GREB1: variants seen among roughly 807,000 people sequenced by gnomAD.
GREB1 encodes growth regulating estrogen receptor binding 1.
GREB1 carries 106 observed loss-of-function variants against 200.7 expected under a neutral mutation model. The observed-to-expected ratio is 0.53, with a 90% confidence interval of 0.45 to 0.62. The LOEUF (loss-of-function observed/expected upper bound fraction) is 0.62. GREB1 is among the 20% of genes least tolerant of loss of function. The pLI is 0.00. For synonymous variants in GREB1, 1,132 were observed against 1,092.4 expected (o/e 1.04, Z -0.72); for missense variants, 2,243 against 2,556.8 (o/e 0.88, Z 2.65).
intron 3 of GREB1, among the ~76,000 whole-genome samples, chr2:11,564,646 A>G (rs974137687): frequency 1.3e-5 from 2 of 152,232 alleles, no homozygotes; most frequent in African/African-American, 4.8e-5. Context: ...CATGGACCAC[A>G]CTGGGCTGGG....
chr2:11,483,545 GTA>G (rs1346219654), intron 1 of GREB1, among the ~76,000 whole-genome samples: 1 of 151,970 alleles, frequency 6.6e-6, no homozygotes, highest in Non-Finnish European at 1.5e-5. Flanking sequence ...AAATTTTGGG[GTA>G]TCTTTCCTGA....
intron 17 of GREB1, among the ~76,000 whole-genome samples, chr2:11,603,242 T>C (rs1220757138): frequency 6.6e-6 from 1 of 152,226 alleles, no homozygotes; most frequent in Non-Finnish European, 1.5e-5. Context: ...GGCCAAGTTT[T>C]ATAGACGATC....
At chr2:11,500,100 G>C (rs1171286248) in intron 1 of GREB1, among the ~76,000 whole-genome samples, 1 of 152,100 alleles carries the variant, frequency 6.6e-6, no homozygotes, top group Non-Finnish European at 1.5e-5. Context: ...TCCTGCTTCA[G>C]CCTCCTGAGT....
chr2:11,587,135 C>T (rs1680191671), intron 9 of GREB1, among the ~76,000 whole-genome samples: 1 of 152,166 alleles, frequency 6.6e-6, no homozygotes, highest in Admixed American at 6.5e-5. Context: ...GCTCTGCTCC[C>T]TCCGCTGCCT....
intron 29 of GREB1, 97 bp from the exon 30 acceptor site, chr2:11,635,173 C>A (rs1685208924): frequency 1.4e-6 from 2 of 1,433,312 alleles, no homozygotes; most frequent in Non-Finnish European, 1.9e-6. Flanking sequence ...CCTTCATAGC[C>A]CCCTACGATG....
chr2:11,548,807 C>G lies in GREB1; in HGVS notation c.-161-7647C>G, dbSNP rs76074684. On this transcript the variant is annotated intron_variant, in intron 1 of 32. Coordinates refer to ENST00000381486, the MANE Select transcript of GREB1 (RefSeq NM_014668.4). The surrounding 1 kb of genome is among the most constrained non-coding windows in gnomAD (Gnocchi z 5.1). ...CCCAGTAGTTTCTTGAGAAAGTGAA[C>G]TTGGGAGATAAATTGCTTTGAGATT... 2.6e-3 allele frequency among the ~76,000 whole-genome samples: 401 copies of G among 152,196 alleles called. No individual in the cohort carries two copies. Among genetic ancestry groups the G allele is most frequent in the Non-Finnish European group, 4.9e-3 (334 of 68,008 alleles).
rs548012861 is a variant in GREB1 at position 11,618,763 on chromosome 2, C to A, written c.3888C>A (p.Arg1296=). 2 of 1,613,072 alleles carry A rather than the reference C, an allele frequency of 1.2e-6. No individual in the cohort carries two copies. The highest frequency in any genetic ancestry group is 1.1e-5 in the South Asian group (1 of 91,030). The part of the protein sequence containing the change: ...SPSVMWASSF[R]PLLSKTMTST... ...CGGTCATGTGGGCCAGCTCTTTCCG[C>A]CCCCTGCTCAGCAAGACCATGACAT... The change falls in exon 22 of 33, where the codon CGC becomes CGA. Residue 1296 remains arginine (R), a synonymous_variant. Transcript: ENST00000381486.
In GREB1 at chr2:11,580,587, A is replaced by C. The variant is rs1679367027; in HGVS notation, c.773-117A>C. The C allele has an allele frequency of 1.7e-6, 2 of 1,208,502 alleles. No homozygotes were observed. Among genetic ancestry groups the C allele is most frequent in the Non-Finnish European group, 2.3e-6 (2 of 858,802 alleles). 74.9% of individuals were successfully genotyped at this position (1,208,502 alleles called of 1,614,324 possible). A position where few individuals can be genotyped will look rare whatever the true frequency, so the allele number is the denominator to read the frequency against. On this transcript the variant is annotated intron_variant, in intron 6 of 32. Transcript: ENST00000381486. This position sits in a 1 kb window ranked among gnomAD's most constrained non-coding sequence, Gnocchi z 4.5. The stretch of plus-strand genomic sequence containing the variant: ...TGTTGGGCATTCTGACCTCCTGATG[A>C]GACTTGCTGGGGAAAAGCTAGTTTG...
intron 22 of GREB1, among the ~76,000 whole-genome samples, chr2:11,619,347 A>G (rs1393497128): frequency 6.6e-6 from 1 of 152,186 alleles, no homozygotes; most frequent in Non-Finnish European, 1.5e-5. Flanking sequence ...CTTAACAACA[A>G]AAGTCCATTT....
chr2:11,627,748 C>T (rs1373620336), intron 25 of GREB1, among the ~76,000 whole-genome samples: 2 of 152,182 alleles, frequency 1.3e-5, no homozygotes, highest in Non-Finnish European at 2.9e-5. Flanking sequence ...TCACCTGAAG[C>T]CACGCCTGCA....
intron 18 of GREB1, 191 bp from the exon 19 acceptor site, chr2:11,612,304 G>A (rs1683007977): frequency 1.5e-6 from 2 of 1,313,468 alleles, no homozygotes; most frequent in Admixed American, 6.5e-5. Flanking sequence ...TAATCTCCAT[G>A]TTCTAGCCGA....
chr2:11,617,761 C>T (rs369191141), intron 21 of GREB1, among the ~76,000 whole-genome samples: 35 of 152,200 alleles, frequency 2.3e-4, no homozygotes, highest in South Asian at 1.7e-3. Context: ...GCTGAGGGAG[C>T]GGCTGAGAGT....
At chr2:11,530,647 ATAAAAT>A (rs1412413118), upstream of GREB1, among the ~76,000 whole-genome samples, 2 of 55,696 alleles carry the variant, frequency 3.6e-5, no homozygotes, top group Non-Finnish European at 6.3e-5. Context: ...AAAAATAAAC[ATAAAAT>A]TCAGGATGTG....
At chr2:11,526,797 A>T (rs1673892059) in intron 1 of GREB1, among the ~76,000 whole-genome samples, 1 of 152,084 alleles carries the variant, frequency 6.6e-6, no homozygotes, top group Non-Finnish European at 1.5e-5. Context: ...ACCTCAAGTG[A>T]TCCACCCACC....
chr2:11,629,943 C>T lies in GREB1; in HGVS notation c.4450-5C>T, dbSNP rs1194186037. The T allele has an allele frequency of 1.9e-6, 3 of 1,613,694 alleles. No individual in the cohort carries two copies. The highest frequency in any genetic ancestry group is 2.5e-6 in the Non-Finnish European group (3 of 1,179,776). ...GCAAGCTCTGTCCTTTCCCCCACACCCCAGCTGTATGAGTCCACCCTGCAC... is the reference window on the plus strand; with the variant it reads ...GCAAGCTCTGTCCTTTCCCCCACACTCCAGCTGTATGAGTCCACCCTGCAC... On this transcript the variant is annotated splice_region_variant and splice_polypyrimidine_tract_variant and intron_variant, in intron 25 of 32. Transcript: ENST00000381486. The surrounding 1 kb of genome is among the most constrained non-coding windows in gnomAD (Gnocchi z 5.2).
chr2:11,523,349 A>T (rs1673766179), intron 1 of GREB1, among the ~76,000 whole-genome samples: 1 of 152,186 alleles, frequency 6.6e-6, no homozygotes, highest in Non-Finnish European at 1.5e-5. Context: ...TTACCTGTAT[A>T]ACAAACCTGC....
intron 23 of GREB1, 50 bp from the exon 24 acceptor site, chr2:11,625,104 T>C (rs1168586117): frequency 6.9e-7 from 1 of 1,445,556 alleles, no homozygotes; most frequent in African/African-American, 1.4e-5. Context: ...TGACTGTAAA[T>C]CATTTTCACT....
Position 11,618,704 on chromosome 2 carries a change from C to T in GREB1, c.3829C>T (p.Leu1277=), listed in dbSNP as rs764710221. 1.2e-6 allele frequency: 2 copies of T among 1,613,748 alleles called. No individual in the cohort carries two copies. The highest frequency in any genetic ancestry group is 1.1e-5 in the South Asian group (1 of 91,060). Residue 1277 remains leucine (L), a synonymous_variant, in exon 22 of 33, where the codon CTG becomes TTG. Coordinates refer to ENST00000381486, the MANE Select transcript of GREB1 (RefSeq NM_014668.4). The part of the protein sequence containing the change: ...DMVVSTDSSG[L]PKAASLLPSP... ...GGTTGTGTCCACTGACAGCAGTGGC[C>T]TGCCCAAGGCCGCCTCCCTCCTGCC...
At chr2:11,530,184 C>T (rs1040454595), upstream of GREB1, among the ~76,000 whole-genome samples, 15 of 152,002 alleles carry the variant, frequency 9.9e-5, no homozygotes, top group African/African-American at 3.6e-4. Flanking sequence ...ACCTCAGCCT[C>T]CCTAGTAGCT....
Sources: gnomAD v4.1 joint callset for allele counts (sites outside exome capture counted in the v4.1 genomes callset) on GRCh38, gnomAD v4.1.1 for gene constraint, Gnocchi (gnomAD v3.1) non-coding constraint, MANE v1.5 for transcripts, NCBI Gene and HGNC (gene_info 2026-07-23, HGNC 2026-07-21) for gene names.